The following SPINK5 variants were observed in gnomAD, a reference collection of about 807,000 sequenced individuals.
The protein encoded by SPINK5 is serine peptidase inhibitor Kazal type 5, also known as serine protease inhibitor Kazal-type 5.
A neutral mutation model predicts 151.8 loss-of-function variants in SPINK5; 125 were observed. The ratio of observed to expected loss-of-function variants is 0.82; its 90% CI spans 0.71 to 0.96. The LOEUF (loss-of-function observed/expected upper bound fraction) is 0.96. Ranked by LOEUF, SPINK5 falls within the 40% of genes least tolerant of loss-of-function variation. SPINK5 has a pLI of 0.00. For synonymous variants in SPINK5, 374 were observed against 395.3 expected (o/e 0.95, Z 0.64); for missense variants, 1,194 against 1,291.9 (o/e 0.92, Z 1.16).
chr5:148,102,720 G>A (rs372479502), intron 15 of SPINK5, among the ~76,000 whole-genome samples: 5 of 152,030 alleles, frequency 3.3e-5, no homozygotes, highest in South Asian at 2.1e-4. Flanking sequence ...AAAATTTATG[G>A]GATTTTTTTG....
chr5:148,106,103 T>C (rs139068750), intron 16 of SPINK5, among the ~76,000 whole-genome samples: 15 of 152,226 alleles, frequency 9.9e-5, no homozygotes, highest in African/African-American at 3.4e-4. Context: ...TTTTCATCCA[T>C]TATGTTTGAT....
intron 15 of SPINK5, among the ~76,000 whole-genome samples, 192 bp from the exon 16 acceptor site, chr5:148,104,760 G>A (rs552143021): frequency 6.6e-6 from 1 of 152,126 alleles, no homozygotes; most frequent in African/African-American, 2.4e-5. Flanking sequence ...GCCGAGTGTG[G>A]TGGCATGTGC....
Position 148,085,474 on chromosome 5 carries a change from T to C in SPINK5, c.283-931T>C, listed in dbSNP as rs557727228. 4.6e-5 allele frequency among the ~76,000 whole-genome samples: 7 copies of C among 152,066 alleles called. No individual in the cohort carries two copies. The South Asian group carries it at 1.5e-3, about 32-fold the overall frequency. On this transcript the variant is annotated intron_variant, in intron 4 of 32. Coordinates refer to ENST00000256084, the MANE Select transcript of SPINK5 (RefSeq NM_006846.4). Reference sequence around the variant, plus strand: ...TTTTAGCTAGGTTATGTCACAATAATAAGTTGCCAAATAATGTTTCATAAG... The same window carrying C: ...TTTTAGCTAGGTTATGTCACAATAACAAGTTGCCAAATAATGTTTCATAAG...
At chr5:148,083,484 T>G (rs1753075005) in intron 4 of SPINK5, among the ~76,000 whole-genome samples, 1 of 151,462 alleles carries the variant, frequency 6.6e-6, no homozygotes, top group Admixed American at 6.6e-5. Flanking sequence ...TTTAGTAGTT[T>G]CTTCTTTCTA....
chr5:148,094,438 G>A lies in SPINK5; in HGVS notation c.751G>A (p.Gly251Ser), dbSNP rs753585766. The stretch of plus-strand genomic sequence containing the variant: ...GAGTGATCCAGTCCGTGGCCCTGAC[G>A]GCAGGATGCATGGCAACAAATGTGC... ...RESDPVRGPD[G>S]RMHGNKCALC... The change falls in exon 9 of 33, where the codon GGC (glycine) becomes AGC (serine). Residue 251 changes from glycine to serine, a missense_variant. Coordinates refer to ENST00000256084, the MANE Select transcript of SPINK5 (RefSeq NM_006846.4). 1.1e-5 allele frequency: 18 copies of A among 1,612,680 alleles called. No homozygotes were observed. The highest frequency in any genetic ancestry group is 1.6e-4 in the Middle Eastern group (1 of 6,074).
At chr5:148,122,553 A>T (rs1467873751) in intron 26 of SPINK5, among the ~76,000 whole-genome samples, 1 of 148,600 alleles carries the variant, frequency 6.7e-6, no homozygotes, top group Non-Finnish European at 1.5e-5. Flanking sequence ...TACATTCTAG[A>T]TCCTATCTGT....
At chr5:148,115,120 C>T (rs953171389) in intron 21 of SPINK5, among the ~76,000 whole-genome samples, 1 of 152,050 alleles carries the variant, frequency 6.6e-6, no homozygotes, top group Non-Finnish European at 1.5e-5. Flanking sequence ...TGGTATGTTA[C>T]AGTACTTCAA....
At chr5:148,117,184 ATATT>A (rs1194991509) in intron 22 of SPINK5, among the ~76,000 whole-genome samples, 6 of 152,202 alleles carry the variant, frequency 3.9e-5, no homozygotes, top group African/African-American at 1.4e-4. Flanking sequence ...CAAAGGCCCA[ATATT>A]TACCTTTGAT....
chr5:148,127,184 A>C (rs934686075), intron 30 of SPINK5, 105 bp downstream of exon 30: 1 of 963,546 alleles, frequency 1.0e-6, no homozygotes, highest in Non-Finnish European at 1.6e-6. Context: ...AGGTTTGCTG[A>C]TTCAGTGCAG....
intron 13 of SPINK5, 56 bp from the exon 14 acceptor site, chr5:148,101,299 T>C: frequency 8.0e-7 from 1 of 1,257,096 alleles, no homozygotes; most frequent in Non-Finnish European, 1.2e-6. Flanking sequence ...TGAGATCACT[T>C]CTAATGTGGC....
intron 5 of SPINK5, 27 bp from the exon 6 acceptor site, chr5:148,088,515 G>T (rs555026185): frequency 1.2e-6 from 2 of 1,605,464 alleles, no homozygotes; most frequent in South Asian, 2.2e-5. Flanking sequence ...ATATTAAACT[G>T]CTGTGTCTAC....
chr5:148,137,065 A>G lies in SPINK5; in HGVS notation c.*74A>G, dbSNP rs1754713291. 6.4e-7 allele frequency: 1 copy of G among 1,574,096 alleles called. No individual in the cohort carries two copies. The highest frequency in any genetic ancestry group is 8.7e-7 in the Non-Finnish European group (1 of 1,144,294). On this transcript the variant is annotated 3_prime_UTR_variant, in exon 33 of 33. Transcript: ENST00000256084. ...AATCACCTACCTTCACCATCTGTATATACAAAGAATTCTTCGGAGCTTGTC... is the reference window on the plus strand; with the variant it reads ...AATCACCTACCTTCACCATCTGTATGTACAAAGAATTCTTCGGAGCTTGTC...
In SPINK5 at chr5:148,109,031, G is replaced by T. The variant is rs80125880; in HGVS notation, c.1692+194G>T. Among the ~76,000 whole-genome samples, 10 of 151,598 alleles carry T rather than the reference G, an allele frequency of 6.6e-5. No individual in the cohort carries two copies. In the South Asian group the frequency reaches 2.1e-3, roughly 32 times the overall value. Reference sequence around the variant, plus strand: ...TTCACATTAAATCTATTAATTGCTCGTGCAGGAGAGAGATCAATCACCATT... The same window carrying T: ...TTCACATTAAATCTATTAATTGCTCTTGCAGGAGAGAGATCAATCACCATT... On this transcript the variant is annotated intron_variant, in intron 18 of 32. Transcript: ENST00000256084.
At chr5:148,135,266 A>C (rs1754670037) in intron 32 of SPINK5, among the ~76,000 whole-genome samples, 1 of 152,178 alleles carries the variant, frequency 6.6e-6, no homozygotes, top group Non-Finnish European at 1.5e-5. Context: ...CCCCGTCCTC[A>C]CAAACTCACC....
At chr5:148,065,447 C>T in intron 2 of SPINK5, 75 bp downstream of exon 2, 2 of 1,506,000 alleles carry the variant, frequency 1.3e-6, no homozygotes, top group African/African-American at 1.4e-5. Context: ...CCAACACCTT[C>T]ATGTTAATAA....
intron 2 of SPINK5, among the ~76,000 whole-genome samples, chr5:148,068,732 T>C (rs111957636): frequency 6.4e-4 from 98 of 151,958 alleles, no homozygotes; most frequent in African/African-American, 2.3e-3. Flanking sequence ...TACAAGCAAC[T>C]TGAAGCAGAT....
rs1753845032 is a variant in SPINK5 at position 148,108,787 on chromosome 5, GA to G, written c.1644del (p.Glu549LysfsTer26). ...AGAAGAAGAGAAGAAAAATGATAAA[GA>G]AGAAAAAGGGAAAGTCGAGGCTGAA... is the stretch of plus-strand genomic sequence containing the variant. Reference protein sequence around the residue: ...LEEEEKKNDKEEKGKVEAEKV... With the variant: ...LEEEEKKNDKXEKGKVEAEKV... On this transcript the variant is annotated frameshift_variant, in exon 18 of 33. Coordinates refer to ENST00000256084, the MANE Select transcript of SPINK5 (RefSeq NM_006846.4). LOFTEE classifies it high-confidence loss of function. 1 of 1,611,910 alleles carries G rather than the reference GA, an allele frequency of 6.2e-7. No individual in the cohort carries two copies. The highest frequency in any genetic ancestry group is 1.3e-5 in the African/African-American group (1 of 74,818).
intron 10 of SPINK5, among the ~76,000 whole-genome samples, chr5:148,096,837 C>T (rs1753481018): frequency 1.3e-5 from 2 of 149,974 alleles, no homozygotes; most frequent in Admixed American, 1.3e-4. Context: ...TGGCTCACTG[C>T]AGCCTTGACT....
At chr5:148,125,190 GTTTAT>G (rs994978047) in intron 28 of SPINK5, among the ~76,000 whole-genome samples, 1 of 152,120 alleles carries the variant, frequency 6.6e-6, no homozygotes, top group African/African-American at 2.4e-5. Context: ...GCTTGCTGAT[GTTTAT>G]TTTAATAATT....
Sources: gnomAD v4.1 joint callset for allele counts (sites outside exome capture counted in the v4.1 genomes callset) on GRCh38, gnomAD v4.1.1 for gene constraint, MANE v1.5 for transcripts, NCBI Gene and HGNC (gene_info 2026-07-23, HGNC 2026-07-21) for gene names.